Variants in SCLT1 observed in about 807,000 individuals in gnomAD.
The protein encoded by SCLT1 is sodium channel and clathrin linker 1.
Under a neutral mutation model 112.8 loss-of-function variants are expected in SCLT1, and 78 were observed. That is an observed-to-expected ratio of 0.69 (90% CI 0.58 to 0.83). The LOEUF (loss-of-function observed/expected upper bound fraction) is 0.83. Ranked by LOEUF, SCLT1 falls within the 40% of genes least tolerant of loss-of-function variation. The pLI is 0.00. For missense variants in SCLT1, 747 were observed against 770.4 expected, an observed-to-expected ratio of 0.97 and a Z score of 0.36; for synonymous variants, 257 against 254.7, an observed-to-expected ratio of 1.01 and a Z score of -0.09.
intron 2 of SCLT1, among the ~76,000 whole-genome samples, chr4:129,056,101 TC>T (rs1228759463): frequency 1.3e-5 from 2 of 152,120 alleles, no homozygotes; most frequent in Non-Finnish European, 2.9e-5. Context: ...CTGCTCACTC[TC>T]CATGGTCTGC....
intron 2 of SCLT1, among the ~76,000 whole-genome samples, chr4:129,058,130 G>T (rs1283918639): frequency 1.3e-5 from 2 of 151,888 alleles, no homozygotes; most frequent in Admixed American, 6.6e-5. Context: ...TTTTTCCTTG[G>T]TTATTTTGCC....
chr4:129,049,914 G>A (rs947012693), intron 2 of SCLT1, among the ~76,000 whole-genome samples: 1 of 151,974 alleles, frequency 6.6e-6, no homozygotes, highest in African/African-American at 2.4e-5. Flanking sequence ...GACAGGCCCT[G>A]GTGTGTGATG....
chr4:129,093,214 C>T lies in SCLT1; in HGVS notation c.-111G>A. 1 of 1,008,090 alleles carries T rather than the reference C, an allele frequency of 9.9e-7. No individual in the cohort carries two copies. The highest frequency in any genetic ancestry group is 1.6e-6 in the Non-Finnish European group (1 of 635,726). The allele number at this position is 1,008,090 out of a possible 1,614,324, so 62.4% of individuals were successfully genotyped here. A position where few individuals can be genotyped will look rare whatever the true frequency, so the allele number is the denominator to read the frequency against. ...AGCCAACGCTCGGTTGGTTGTCAAG[C>T]GCTCCAGCGGTGCAATCTGCATCCT... On this transcript the variant is annotated 5_prime_UTR_variant, in exon 1 of 21. Coordinates refer to ENST00000281142, the MANE Select transcript of SCLT1 (RefSeq NM_144643.4).
intron 2 of SCLT1, among the ~76,000 whole-genome samples, chr4:129,056,372 A>G (rs1039065915): frequency 1.3e-5 from 2 of 152,090 alleles, no homozygotes; most frequent in African/African-American, 4.8e-5. Flanking sequence ...CTATGTGTCT[A>G]TTTTTATGGC....
intron 18 of SCLT1, among the ~76,000 whole-genome samples, chr4:128,895,709 C>A (rs1733690670): frequency 6.6e-6 from 1 of 152,152 alleles, no homozygotes; most frequent in Admixed American, 6.5e-5. Flanking sequence ...GGGTGCAGCG[C>A]ACCTAGCATG....
At chr4:128,919,435 A>G (rs934383617) in intron 18 of SCLT1, among the ~76,000 whole-genome samples, 8 of 152,156 alleles carry the variant, frequency 5.3e-5, no homozygotes, top group Admixed American at 4.6e-4. Context: ...GTTAAGCAGA[A>G]GTTTATAGTG....
At chr4:129,064,104 A>G (rs1377476970) in intron 2 of SCLT1, among the ~76,000 whole-genome samples, 1 of 152,222 alleles carries the variant, frequency 6.6e-6, no homozygotes, top group Admixed American at 6.5e-5. Context: ...ATGACAGTAG[A>G]TAACACTTAT....
chr4:129,078,387 T>TA (rs961701730), intron 2 of SCLT1, among the ~76,000 whole-genome samples: 25 of 152,116 alleles, frequency 1.6e-4, no homozygotes, highest in African/African-American at 5.6e-4. Flanking sequence ...GGCTTTAAAA[T>TA]AAAAATTTTT....
At chr4:129,045,273 A>G (rs765826745) in intron 2 of SCLT1, among the ~76,000 whole-genome samples, 2 of 152,096 alleles carry the variant, frequency 1.3e-5, no homozygotes, top group Non-Finnish European at 2.9e-5. Flanking sequence ...CTCAAATTAC[A>G]TTTGTTAACT....
chr4:129,045,522 GAATA>G (rs1402634207), intron 2 of SCLT1, among the ~76,000 whole-genome samples: 1 of 151,856 alleles, frequency 6.6e-6, no homozygotes, highest in Non-Finnish European at 1.5e-5. Context: ...TCTTTTAACA[GAATA>G]AATAAAAAAT....
At chr4:128,980,224 T>C (rs1238761838) in intron 9 of SCLT1, among the ~76,000 whole-genome samples, 1 of 152,180 alleles carries the variant, frequency 6.6e-6, no homozygotes, top group Non-Finnish European at 1.5e-5. Context: ...CAGATTTCCA[T>C]AGCATTTTTA....
intron 12 of SCLT1, 146 bp downstream of exon 12, chr4:128,959,454 C>T: frequency 3.2e-6 from 2 of 626,860 alleles, no homozygotes; most frequent in South Asian, 3.9e-5. Context: ...TTTTACCATC[C>T]AAGAATATGG....
intron 5 of SCLT1, among the ~76,000 whole-genome samples, chr4:129,012,107 C>G (rs766725972): frequency 6.6e-6 from 1 of 152,024 alleles, no homozygotes; most frequent in Non-Finnish European, 1.5e-5. Flanking sequence ...TTCTGTAGTT[C>G]TTTTAGTTGT....
intron 5 of SCLT1, among the ~76,000 whole-genome samples, chr4:129,019,640 T>G (rs966627861): frequency 6.6e-6 from 1 of 151,792 alleles, no homozygotes; most frequent in African/African-American, 2.4e-5. Flanking sequence ...TGCCGCTATA[T>G]TTTTGTGTAT....
chr4:128,879,302 G>A (rs1732590522), downstream of SCLT1, among the ~76,000 whole-genome samples: 1 of 152,180 alleles, frequency 6.6e-6, no homozygotes, highest in South Asian at 2.1e-4. Flanking sequence ...AGTCTAGAAT[G>A]TGTGAAGCAT....
chr4:128,920,096 AAAG>A (rs1228377086), intron 18 of SCLT1, among the ~76,000 whole-genome samples: 2 of 152,192 alleles, frequency 1.3e-5, no homozygotes, highest in Non-Finnish European at 2.9e-5. Context: ...CACAAGAAAA[AAAG>A]AAAACTTCAG....
intron 2 of SCLT1, among the ~76,000 whole-genome samples, chr4:129,048,389 T>C (rs868080053): frequency 6.6e-6 from 1 of 151,714 alleles, no homozygotes; most frequent in African/African-American, 2.4e-5. Flanking sequence ...AAGGATTCCC[T>C]ATTTAATAAA....
At chr4:128,874,474 A>G (rs1236897747) in intron 4 of SCLT1, 1 of 147,172 alleles carries the variant, frequency 6.8e-6, no homozygotes, top group Non-Finnish European at 1.5e-5. Flanking sequence ...ATGCTGAACC[A>G]AAAAAAACAA....
intron 18 of SCLT1, among the ~76,000 whole-genome samples, chr4:128,917,552 G>C (rs1735570039): frequency 6.6e-6 from 1 of 152,008 alleles, no homozygotes; most frequent in South Asian, 2.1e-4. Context: ...ATAATTATTG[G>C]AAGCCAAGTT....
Sources: allele counts gnomAD v4.1 joint callset (sites outside exome capture counted in the v4.1 genomes callset), GRCh38; gene constraint gnomAD v4.1.1; transcripts MANE v1.5; gene names NCBI Gene and HGNC (gene_info 2026-07-23, HGNC 2026-07-21).